Variants in CYFIP2 observed in about 807,000 individuals in gnomAD.
CYFIP2 encodes the protein cytoplasmic FMR1 interacting protein 2.
CYFIP2 carries 29 observed loss-of-function variants against 158.7 expected under a neutral mutation model. The ratio of observed to expected loss-of-function variants is 0.18; its 90% confidence interval spans 0.14 to 0.25. The LOEUF (loss-of-function observed/expected upper bound fraction) is 0.25, where lower values mean the gene tolerates loss of function less well. Among genes scored for constraint, CYFIP2 ranks in the 10% least tolerant of loss-of-function variants. CYFIP2 has a pLI of 1.00. For missense variants in CYFIP2, 852 were observed against 1,639.5 expected, an observed-to-expected ratio of 0.52 and a Z score of 8.29; for synonymous variants, 585 against 617.6, an observed-to-expected ratio of 0.95 and a Z score of 0.78.
In CYFIP2 at chr5:157,300,309, G is replaced by T. The variant is rs149674947; in HGVS notation, c.388-406G>T. On this transcript the variant is annotated intron_variant, in intron 5 of 30. Transcript: ENST00000620254. ...CCCAGCACTTTGGGAGGCCGAGGCA[G>T]GTGGGTCACAAGGTCACGAGATTGA... Among the ~76,000 whole-genome samples, 1,520 of 152,110 alleles carry T rather than the reference G, an allele frequency of 1.0e-2. 32 individuals carry two copies. Among genetic ancestry groups the T allele is most frequent in the African/African-American group, 0.034 (1,425 of 41,486 alleles).
At chr5:157,388,004 G>A (rs1251806276) in intron 28 of CYFIP2, among the ~76,000 whole-genome samples, 1 of 152,164 alleles carries the variant, frequency 6.6e-6, no homozygotes, top group Non-Finnish European at 1.5e-5. Context: ...TCCAGGGAGT[G>A]AGCTTCCGGG....
intron 1 of CYFIP2, among the ~76,000 whole-genome samples, chr5:157,281,930 G>T (rs1757020980): frequency 6.6e-6 from 1 of 151,978 alleles, no homozygotes; most frequent in Non-Finnish European, 1.5e-5. Flanking sequence ...CCCCTCTCCT[G>T]GGTAAATGAG....
intron 26 of CYFIP2, chr5:157,380,081 A>T (rs1765905574): frequency 6.6e-6 from 1 of 152,194 alleles, no homozygotes; most frequent in African/African-American, 2.4e-5. Context: ...TTCCTGGGTG[A>T]GATGGCAGAA....
chr5:157,376,822 A>T, intron 26 of CYFIP2: 1 of 448,406 alleles, frequency 2.2e-6, no homozygotes, highest in Non-Finnish European at 4.5e-6. Flanking sequence ...CCAAGCTCAG[A>T]TCTACTCTGC....
At chr5:157,272,888 T>C (rs528965563) in intron 1 of CYFIP2, among the ~76,000 whole-genome samples, 6 of 152,312 alleles carry the variant, frequency 3.9e-5, no homozygotes, top group African/African-American at 1.4e-4. Flanking sequence ...TATTTTGAGA[T>C]GGAGTTTCAC....
intron 29 of CYFIP2, 57 bp downstream of exon 29, chr5:157,389,484 T>C (rs1273181837): frequency 6.2e-6 from 9 of 1,442,160 alleles, no homozygotes; most frequent in African/African-American, 1.4e-5. Context: ...CTCCTGCAAG[T>C]CATGGGGCTG....
In CYFIP2 at chr5:157,328,896, G is replaced by A. The variant is rs573004196; in HGVS notation, c.2156+847G>A. Among the ~76,000 whole-genome samples the A allele has an allele frequency of 6.6e-5, 10 of 152,272 alleles. No homozygotes were observed. In the South Asian group the frequency reaches 8.3e-4, roughly 13 times the overall value. Reference sequence around the variant, plus strand: ...CCAGTATATGTTGATTCAGACCCTCGTGAGTTCTTGGGTTTCAAGGACCTG... The same window carrying A: ...CCAGTATATGTTGATTCAGACCCTCATGAGTTCTTGGGTTTCAAGGACCTG... On this transcript the variant is annotated intron_variant, in intron 19 of 30. Coordinates refer to ENST00000620254, the MANE Select transcript of CYFIP2 (RefSeq NM_001037333.3).
chr5:157,342,782 G>T, intron 23 of CYFIP2: 1 of 1,370,060 alleles, frequency 7.3e-7, no homozygotes, highest in Non-Finnish European at 9.9e-7. Flanking sequence ...GAAATGGGTA[G>T]TCTATAGACA....
intron 23 of CYFIP2, among the ~76,000 whole-genome samples, chr5:157,356,422 A>G (rs1452821937): frequency 6.6e-6 from 1 of 152,240 alleles, no homozygotes; most frequent in African/African-American, 2.4e-5. Flanking sequence ...GTTCGTGATT[A>G]AGATTCCAAA....
chr5:157,304,200 C>T (rs1408746001), intron 7 of CYFIP2, 38 bp from the exon 8 acceptor site: 1 of 1,594,294 alleles, frequency 6.3e-7, no homozygotes, highest in Non-Finnish European at 8.5e-7. Context: ...GCACAGGATA[C>T]ATGCGCTGCC....
Position 157,300,888 on chromosome 5 carries a change from C to T in CYFIP2, c.561C>T (p.Ala187=), listed in dbSNP as rs761109295. 2 of 1,577,640 alleles carry T rather than the reference C, an allele frequency of 1.3e-6. No individual in the cohort carries two copies. The highest frequency in any genetic ancestry group is 1.7e-5 in the Admixed American group (1 of 57,502). Residue 187 remains alanine, a synonymous_variant, in exon 6 of 31, where the codon GCC becomes GCT. Coordinates refer to ENST00000620254, the MANE Select transcript of CYFIP2 (RefSeq NM_001037333.3). The part of the protein sequence containing the change: ...MKCSVKNDHS[A]YKRAAQFLRK... ...GCAGCGTCAAGAATGACCACTCTGC[C>T]TACAAGAGGTCAGGGCAACCTCCCC...
rs1208169136 is a variant in CYFIP2, at chr5:157,293,120, ATCTAAGC to A, written c.208-1660_208-1654del. Among the ~76,000 whole-genome samples, 6 of 152,080 alleles carry A rather than the reference ATCTAAGC, an allele frequency of 3.9e-5. No homozygotes were observed. The East Asian group carries it at 1.2e-3, about 29-fold the overall frequency. On this transcript the variant is annotated intron_variant, in intron 3 of 30. Transcript: ENST00000620254. ...GCCCAGGCTGGAATGCAATGGCGCA[ATCTAAGC>A]TCATTGCAGCCTCTGCCCCCCGAGT...
At chr5:157,354,640 C>T (rs1319234040) in intron 23 of CYFIP2, among the ~76,000 whole-genome samples, 1 of 151,964 alleles carries the variant, frequency 6.6e-6, no homozygotes, top group African/African-American at 2.4e-5. Flanking sequence ...TCATGCTGGT[C>T]CTTCTCACAT....
chr5:157,296,553 C>T, intron 4 of CYFIP2, 120 bp from the exon 5 acceptor site: 1 of 876,138 alleles, frequency 1.1e-6, no homozygotes, highest in Non-Finnish European at 1.9e-6. Context: ...ATGATCATGC[C>T]ACTGCACTCT....
intron 1 of CYFIP2, among the ~76,000 whole-genome samples, chr5:157,280,687 T>C (rs1464525549): frequency 6.6e-6 from 1 of 152,106 alleles, no homozygotes; most frequent in African/African-American, 2.4e-5. Context: ...GTAATTTCTA[T>C]GTATGTGTCA....
At chr5:157,340,230 C>CA (rs539778351) in intron 22 of CYFIP2, among the ~76,000 whole-genome samples, 67 of 151,782 alleles carry the variant, frequency 4.4e-4, no homozygotes, top group African/African-American at 1.4e-3. Flanking sequence ...TGTAAGGATG[C>CA]AAAAAAAATG....
chr5:157,382,513 T>C, intron 26 of CYFIP2, 77 bp from the exon 27 acceptor site: 1 of 1,506,906 alleles, frequency 6.6e-7, no homozygotes, highest in Non-Finnish European at 9.1e-7. Flanking sequence ...ACTCCAGTGC[T>C]CAGGTTTTTA....
intron 9 of CYFIP2, among the ~76,000 whole-genome samples, chr5:157,308,534 G>A (rs1009603452): frequency 4.6e-5 from 7 of 152,282 alleles, no homozygotes; most frequent in Non-Finnish European, 5.9e-5. Flanking sequence ...GTTTATTCTA[G>A]CATTGGGCAC....
intron 23 of CYFIP2, among the ~76,000 whole-genome samples, chr5:157,348,687 C>T (rs1762861209): frequency 1.3e-5 from 2 of 152,288 alleles, no homozygotes; most frequent in South Asian, 4.1e-4. Flanking sequence ...ACTGGGATTA[C>T]AGGCGTGAGC....
Sources: allele counts gnomAD v4.1 joint callset (sites outside exome capture counted in the v4.1 genomes callset), GRCh38; gene constraint gnomAD v4.1.1; transcripts MANE v1.5; gene names NCBI Gene and HGNC (gene_info 2026-07-23, HGNC 2026-07-21).